The following MICAL2 variants were observed in gnomAD, a reference collection of about 807,000 sequenced individuals.
The protein encoded by MICAL2 is microtubule associated monooxygenase, calponin and LIM domain containing 2.
MICAL2 carries 77 observed loss-of-function variants against 127.3 expected under a neutral mutation model. That is an observed-to-expected ratio of 0.60 (90% CI 0.50 to 0.73). The LOEUF (loss-of-function observed/expected upper bound fraction) is 0.73. MICAL2 is among the 30% of genes least tolerant of loss of function. The pLI, the probability that MICAL2 is intolerant of heterozygous loss-of-function variation, is 0.00. For missense variants in MICAL2, 1,351 were observed against 1,434.4 expected (o/e 0.94, Z 0.94); for synonymous variants, 570 against 551.1 (o/e 1.03, Z -0.48).
chr11:12,168,558 A>G (rs1373844616), intron 3 of MICAL2, among the ~76,000 whole-genome samples: 1 of 151,848 alleles, frequency 6.6e-6, no homozygotes, highest in Non-Finnish European at 1.5e-5. Context: ...CTTTACATAG[A>G]CACATATATA....
chr11:12,294,108 C>A (rs1483444161), downstream of MICAL2: 1 of 1,614,080 alleles, frequency 6.2e-7, no homozygotes, highest in South Asian at 1.1e-5. Context: ...GTGCTAAAAC[C>A]AGTCCGCCCC....
intron 2 of MICAL2, among the ~76,000 whole-genome samples, chr11:12,140,748 G>A (rs895624024): frequency 6.6e-6 from 1 of 152,180 alleles, no homozygotes; most frequent in African/African-American, 2.4e-5. Context: ...AGGTCCTTGG[G>A]AGAAGCAGAT....
At chr11:12,361,856 T>TGGCAGGGGGC (rs1407567635), downstream of MICAL2, among the ~76,000 whole-genome samples, 25 of 152,270 alleles carry the variant, frequency 1.6e-4, no homozygotes, top group East Asian at 4.2e-3. Flanking sequence ...AGGGCAGAGG[T>TGGCAGGGGGC]GGCAGGGGGC....
intron 2 of MICAL2, among the ~76,000 whole-genome samples, chr11:12,139,094 C>G (rs913343031): frequency 6.6e-6 from 1 of 152,124 alleles, no homozygotes; most frequent in African/African-American, 2.4e-5. Flanking sequence ...CATTGCCAAA[C>G]AGGGAGACTG....
intron 22 of MICAL2, among the ~76,000 whole-genome samples, chr11:12,252,048 C>T (rs1488633738): frequency 6.6e-6 from 1 of 152,174 alleles, no homozygotes; most frequent in Non-Finnish European, 1.5e-5. Context: ...TGGAGGCAGT[C>T]ACACAAGGGG....
chr11:12,182,457 A>G (rs1251118495), intron 3 of MICAL2, among the ~76,000 whole-genome samples: 2 of 152,200 alleles, frequency 1.3e-5, no homozygotes, highest in Non-Finnish European at 2.9e-5. Flanking sequence ...TCTGTAAAAC[A>G]GCAATATTCT....
intron 33 of MICAL2, among the ~76,000 whole-genome samples, chr11:12,352,861 C>T (rs1187917543): frequency 6.6e-6 from 1 of 152,142 alleles, no homozygotes; most frequent in Admixed American, 6.5e-5. Flanking sequence ...AAAGTCTTGG[C>T]CAGGCCAATG....
chr11:12,262,761 C>G, intron 27 of MICAL2: 1 of 526,548 alleles, frequency 1.9e-6, no homozygotes, highest in Non-Finnish European at 3.4e-6. Context: ...TGGTCTACCC[C>G]AAGTGCATGC....
chr11:12,191,924 T>A (rs1168790268), intron 3 of MICAL2, among the ~76,000 whole-genome samples: 1 of 152,016 alleles, frequency 6.6e-6, no homozygotes, highest in Non-Finnish European at 1.5e-5. Context: ...GAAGGAGCTG[T>A]GTTCAAAGAT....
intron 26 of MICAL2, chr11:12,261,259 C>A: frequency 1.0e-6 from 1 of 985,470 alleles, no homozygotes; most frequent in Non-Finnish European, 1.2e-6. Flanking sequence ...AAAACAGAAA[C>A]CAATTTCACA....
Position 12,226,351 on chromosome 11 carries a change from C to T in MICAL2, c.1869C>T (p.Gly623=), listed in dbSNP as rs1165403096. 1.2e-6 allele frequency: 2 copies of T among 1,614,070 alleles called. No homozygotes were observed. The highest frequency in any genetic ancestry group is 1.7e-6 in the Non-Finnish European group (2 of 1,179,960). Residue 623 remains glycine, a synonymous_variant, in exon 14 of 28, where the codon GGC becomes GGT. Transcript: ENST00000683283. ...CCAAGTTCTACGAGCTCTTCCGGGGCACCCCACTGAGGCCCGTGGGTAAGC... is the reference window on the plus strand; with the variant it reads ...CCAAGTTCTACGAGCTCTTCCGGGGTACCCCACTGAGGCCCGTGGGTAAGC... ...YLSKFYELFR[G]TPLRPVDSWR...
chr11:12,320,073 A>C (rs1466027235), intron 30 of MICAL2, among the ~76,000 whole-genome samples: 1 of 152,210 alleles, frequency 6.6e-6, no homozygotes, highest in Non-Finnish European at 1.5e-5. Context: ...TGGTGATGGC[A>C]GCTCTTAAAG....
chr11:12,223,742 A>T (rs1857090994), intron 12 of MICAL2, among the ~76,000 whole-genome samples: 1 of 152,208 alleles, frequency 6.6e-6, no homozygotes, highest in Non-Finnish European at 1.5e-5. Context: ...CGAGAGCTTC[A>T]CACAGTAAAC....
At chr11:12,156,148 G>T (rs1854163405) in intron 2 of MICAL2, among the ~76,000 whole-genome samples, 2 of 152,222 alleles carry the variant, frequency 1.3e-5, no homozygotes, top group South Asian at 4.1e-4. Context: ...CAGCACTCCA[G>T]CCCTGAGGCT....
chr11:12,294,548 C>T (rs1189408263), downstream of MICAL2: 1 of 1,614,106 alleles, frequency 6.2e-7, no homozygotes, highest in African/African-American at 1.3e-5. Flanking sequence ...TGTCCCCACA[C>T]TCCTCGAGAA....
chr11:12,206,219 A>G (rs1211563784), intron 4 of MICAL2, among the ~76,000 whole-genome samples: 1 of 152,190 alleles, frequency 6.6e-6, no homozygotes, highest in African/African-American at 2.4e-5. Context: ...GGGGGGCAGA[A>G]CTGGGTACCA....
chr11:12,222,244 C>T (rs879398399), intron 10 of MICAL2, among the ~76,000 whole-genome samples: 10 of 152,074 alleles, frequency 6.6e-5, no homozygotes, highest in African/African-American at 9.7e-5. Flanking sequence ...GGCTGGCGGG[C>T]GGAGGCAGGC....
chr11:12,220,203 C>T lies in MICAL2; in HGVS notation c.951C>T (p.Asp317=). ...CACCATGTTTTCATCTTCCCCAGGACTACATCGACACAGAGATGCTGCTGT... is the reference window on the plus strand; with the variant it reads ...CACCATGTTTTCATCTTCCCCAGGATTACATCGACACAGAGATGCTGCTGT... ...SLLDKGVIIN[D]YIDTEMLLCA... The change falls in exon 9 of 28, where the codon GAC becomes GAT. Residue 317 remains aspartate (D), a splice_region_variant and synonymous_variant. Transcript: ENST00000683283. The T allele has an allele frequency of 6.2e-7, 1 of 1,614,116 alleles. No homozygotes were observed. Among genetic ancestry groups the T allele is most frequent in the Non-Finnish European group, 8.5e-7 (1 of 1,180,002 alleles).
At chr11:12,262,091 T>C (rs1863193313) in intron 26 of MICAL2, 1 of 1,103,980 alleles carries the variant, frequency 9.1e-7, no homozygotes, top group Non-Finnish European at 1.1e-6. Flanking sequence ...AAATCTGAGA[T>C]GTTTGTACGC....
Sources: allele counts gnomAD v4.1 joint callset (sites outside exome capture counted in the v4.1 genomes callset), GRCh38; gene constraint gnomAD v4.1.1; transcripts MANE v1.5; gene names NCBI Gene and HGNC (gene_info 2026-07-23, HGNC 2026-07-21).